METTL25: variants seen among roughly 807,000 people sequenced by gnomAD.
METTL25 encodes the protein probable methyltransferase-like protein 25.
Under a neutral mutation model 71.6 loss-of-function variants are expected in METTL25, and 64 were observed. The ratio of observed to expected loss-of-function variants is 0.89; its 90% CI spans 0.73 to 1.10. The LOEUF (loss-of-function observed/expected upper bound fraction) is 1.10, where lower values mean the gene tolerates loss of function less well. Ranked by LOEUF, METTL25 falls within the 50% of genes least tolerant of loss-of-function variation. The pLI is 0.00. For synonymous variants in METTL25, 287 were observed against 250.3 expected, an observed-to-expected ratio of 1.15 and a Z score of -1.38; for missense variants, 807 against 707.0, an observed-to-expected ratio of 1.14 and a Z score of -1.60.
At chr12:82,450,969 T>A (rs1468016842) in intron 8 of METTL25, among the ~76,000 whole-genome samples, 2 of 145,470 alleles carry the variant, frequency 1.4e-5, no homozygotes, top group Non-Finnish European at 3.2e-5. Flanking sequence ...CAGCTCTTAC[T>A]ATCTAATATA....
chr12:82,467,883 C>G (rs187173261), intron 9 of METTL25, among the ~76,000 whole-genome samples: 1 of 151,368 alleles, frequency 6.6e-6, no homozygotes. Flanking sequence ...TTTTCTATAC[C>G]CTTTTCCTTC....
In METTL25 at chr12:82,416,261, T is replaced by G. The variant is rs895760780; in HGVS notation, c.1279+13131T>G. On this transcript the variant is annotated intron_variant, in intron 5 of 11. Transcript: ENST00000248306. ...ATAAACATTATCTTTTTAAGTTACTTTTTACACCCACATTTTTTCTGATCA... is the reference window on the plus strand; with the variant it reads ...ATAAACATTATCTTTTTAAGTTACTGTTTACACCCACATTTTTTCTGATCA... Among the ~76,000 whole-genome samples the G allele has an allele frequency of 1.8e-4, 28 of 152,226 alleles. 1 individual carries two copies. Among genetic ancestry groups the G allele is most frequent in the Admixed American group, 6.6e-4 (10 of 15,250 alleles).
chr12:82,378,070 A>G (rs561017861), intron 1 of METTL25, among the ~76,000 whole-genome samples: 3 of 151,778 alleles, frequency 2.0e-5, no homozygotes, highest in Non-Finnish European at 4.4e-5. Flanking sequence ...TCAAACATTT[A>G]TTTAACTAAT....
intron 3 of METTL25, 112 bp from the exon 4 acceptor site, chr12:82,398,683 T>C: frequency 1.6e-6 from 1 of 612,860 alleles, no homozygotes; most frequent in Admixed American, 4.1e-5. Flanking sequence ...TAAAAAAAAA[T>C]TAAAATAATA....
At chr12:82,445,055 T>C (rs1890642052) in intron 8 of METTL25, among the ~76,000 whole-genome samples, 1 of 152,256 alleles carries the variant, frequency 6.6e-6, no homozygotes, top group African/African-American at 2.4e-5. Context: ...CCTAATAGTA[T>C]ACCTCCAGGA....
chr12:82,381,249 T>A (rs905834665), intron 1 of METTL25, among the ~76,000 whole-genome samples: 2 of 152,204 alleles, frequency 1.3e-5, no homozygotes, highest in African/African-American at 4.8e-5. Flanking sequence ...CAAATTAAAC[T>A]GTGAAGAGTC....
Position 82,477,292 on chromosome 12 carries a change from A to T in METTL25, c.1659A>T (p.Val553=), listed in dbSNP as rs2137322249. 6.5e-7 allele frequency: 1 copy of T among 1,550,314 alleles called. No individual in the cohort carries two copies. Among genetic ancestry groups the T allele is most frequent in the Non-Finnish European group, 8.7e-7 (1 of 1,146,620 alleles). ...ELEAFNMLKV[V]LAPCIETLIL... ...TTTTTTTATTTTAGTTGAAAGTTGTACTGGCTCCCTGTATAGAGACTTTGA... is the reference window on the plus strand; with the variant it reads ...TTTTTTTATTTTAGTTGAAAGTTGTTCTGGCTCCCTGTATAGAGACTTTGA... Residue 553 remains valine (V), a synonymous_variant, in exon 11 of 12, where the codon GTA becomes GTT. Coordinates refer to ENST00000248306, the MANE Select transcript of METTL25 (RefSeq NM_032230.3).
At chr12:82,461,563 G>A (rs925826449) in intron 9 of METTL25, among the ~76,000 whole-genome samples, 21 of 152,098 alleles carry the variant, frequency 1.4e-4, no homozygotes, top group African/African-American at 3.9e-4. Context: ...GCACAAGAAT[G>A]CTTGTTTGGC....
chr12:82,466,045 A>C (rs1892211441), intron 9 of METTL25, among the ~76,000 whole-genome samples: 1 of 150,824 alleles, frequency 6.6e-6, no homozygotes, highest in Non-Finnish European at 1.5e-5. Context: ...ATCTTTTCAA[A>C]AAAACAATTT....
intron 9 of METTL25, among the ~76,000 whole-genome samples, chr12:82,469,545 G>A (rs1347248832): frequency 6.6e-6 from 1 of 151,948 alleles, no homozygotes; most frequent in Non-Finnish European, 1.5e-5. Context: ...CTGCCCCCAT[G>A]ATTCAATTAC....
At chr12:82,361,915 G>A (rs866151530) in intron 1 of METTL25, among the ~76,000 whole-genome samples, 89 of 152,336 alleles carry the variant, frequency 5.8e-4, no homozygotes, top group African/African-American at 1.9e-3. Flanking sequence ...CAGAGTGGGC[G>A]CCAAGGCTGA....
At chr12:82,455,272 A>G (rs894360391) in intron 8 of METTL25, among the ~76,000 whole-genome samples, 4 of 151,852 alleles carry the variant, frequency 2.6e-5, no homozygotes, top group Admixed American at 2.6e-4. Flanking sequence ...GTGATACATA[A>G]GATATATATC....
chr12:82,405,959 A>C (rs1453215053), intron 5 of METTL25, among the ~76,000 whole-genome samples: 1 of 152,224 alleles, frequency 6.6e-6, no homozygotes, highest in African/African-American at 2.4e-5. Flanking sequence ...CACATAAGAG[A>C]GTATGTTATT....
At chr12:82,407,017 T>C (rs1887157291) in intron 5 of METTL25, among the ~76,000 whole-genome samples, 1 of 152,132 alleles carries the variant, frequency 6.6e-6, no homozygotes, top group Admixed American at 6.6e-5. Context: ...ATGTCTTTCA[T>C]AGAAGCAATT....
At chr12:82,408,616 G>GTGTGTGTGTA (rs2137049694) in intron 5 of METTL25, among the ~76,000 whole-genome samples, 1 of 151,710 alleles carries the variant, frequency 6.6e-6, no homozygotes, top group Non-Finnish European at 1.5e-5. Flanking sequence ...GTGTGTGTGT[G>GTGTGTGTGTA]TGTGTGTGTG....
At chr12:82,447,937 T>C (rs2642018) in intron 8 of METTL25, among the ~76,000 whole-genome samples, 139,753 of 152,110 alleles carry the variant, frequency 0.92, 64,603 homozygotes, top group East Asian at 1. Context: ...AATAAGTGGT[T>C]AAAAGCTTGT....
intron 5 of METTL25, among the ~76,000 whole-genome samples, chr12:82,412,584 A>G (rs1887635062): frequency 2.6e-5 from 4 of 152,100 alleles, no homozygotes; most frequent in African/African-American, 9.7e-5. Context: ...AGTTTGTAAA[A>G]CATCGCTATA....
At chr12:82,421,294 A>G (rs1389607549) in intron 5 of METTL25, among the ~76,000 whole-genome samples, 2 of 152,196 alleles carry the variant, frequency 1.3e-5, no homozygotes, top group Non-Finnish European at 2.9e-5. Context: ...GATTGTGGAA[A>G]TAGAGAATTT....
chr12:82,398,873 G>A lies in METTL25; in HGVS notation c.610G>A (p.Asp204Asn), dbSNP rs1255435114. 1.9e-6 allele frequency: 3 copies of A among 1,601,626 alleles called. No individual in the cohort carries two copies. In the African/African-American group the frequency reaches 4.1e-5, roughly 22 times the overall value. Residue 204 changes from aspartate to asparagine, a missense_variant, in exon 4 of 12, where the codon GAT becomes AAT. Asp to Asn is a conservative substitution (Grantham distance 23). Coordinates refer to ENST00000248306, the MANE Select transcript of METTL25 (RefSeq NM_032230.3). ...LKYGLKVYGIDSSNTNTHGAE... is the reference protein window; with the variant it reads ...LKYGLKVYGINSSNTNTHGAE... ...GTATGGCTTAAAAGTTTATGGAATT[G>A]ATTCTTCAAATACCAATACTCATGG...
Sources: gnomAD v4.1 joint callset for allele counts (sites outside exome capture counted in the v4.1 genomes callset) on GRCh38, gnomAD v4.1.1 for gene constraint, MANE v1.5 for transcripts, NCBI Gene and HGNC (gene_info 2026-07-23, HGNC 2026-07-21) for gene names.